NAALADL1: variants seen among roughly 807,000 people sequenced by gnomAD.
The protein encoded by NAALADL1 is aminopeptidase NAALADL1.
NAALADL1 carries 77 observed loss-of-function variants against 82.8 expected under a neutral mutation model. That is an observed-to-expected ratio of 0.93 (90% CI 0.77 to 1.12). NAALADL1 has a LOEUF of 1.12. NAALADL1 is among the 50% of genes most tolerant of loss of function. The pLI, the probability that NAALADL1 is intolerant of heterozygous loss-of-function variation, is 0.00. For missense variants in NAALADL1, 956 were observed against 964.0 expected (o/e 0.99, Z 0.11); for synonymous variants, 358 against 399.2 (o/e 0.90, Z 1.23).
rs746281476 is a variant in NAALADL1 at position 65,045,867 on chromosome 11, C to T, written c.1991G>A (p.Arg664Gln). ...GAAGGCTCTAGGGTTCAGAAAGGTCCGTTCCAAGAGCATCAACTGGTCATT... is the reference window on the plus strand; with the variant it reads ...GAAGGCTCTAGGGTTCAGAAAGGTCTGTTCCAAGAGCATCAACTGGTCATT... ...MLNDQLMLLE[R>Q]TFLNPRAFPE... Residue 664 changes from arginine to glutamine, a missense_variant, in exon 17 of 18, where the codon CGG (arginine) becomes CAG (glutamine). Physicochemically the swap from Arg to Gln is conservative, Grantham distance 43. Coordinates refer to ENST00000358658, the MANE Select transcript of NAALADL1 (RefSeq NM_005468.3). The T allele has an allele frequency of 8.7e-6, 14 of 1,613,986 alleles. 1 individual carries two copies. In the South Asian group the frequency reaches 8.8e-5, roughly 10 times the overall value.
At chr11:65,048,086 C>A in intron 10 of NAALADL1, 38 bp from the exon 11 acceptor site, 1 of 1,613,958 alleles carries the variant, frequency 6.2e-7, no homozygotes, top group Non-Finnish European at 8.5e-7. Context: ...TGGGCCCCAG[C>A]CCCTTCTTTT....
rs1946697304 is a variant in NAALADL1, at chr11:65,045,460, G to C, written c.2037-3C>G. 1 of 1,597,622 alleles carries C rather than the reference G, an allele frequency of 6.3e-7. No individual in the cohort carries two copies. The highest frequency in any genetic ancestry group is 1.3e-5 in the African/African-American group (1 of 74,694). On this transcript the variant is annotated splice_polypyrimidine_tract_variant and splice_region_variant and intron_variant, in intron 17 of 17. Coordinates refer to ENST00000358658, the MANE Select transcript of NAALADL1 (RefSeq NM_005468.3). Reference sequence around the variant, plus strand: ...TGCGAGGTGCCCAGAGCACATGGCTGACAAGAGAAATGGGACAGGATCAGG... The same window carrying C: ...TGCGAGGTGCCCAGAGCACATGGCTCACAAGAGAAATGGGACAGGATCAGG...
chr11:65,059,297 C>T (rs181529826), upstream of NAALADL1, among the ~76,000 whole-genome samples: 2 of 152,324 alleles, frequency 1.3e-5, no homozygotes, highest in East Asian at 3.9e-4. Context: ...CAGGAGTGAG[C>T]CACCGTGCCG....
chr11:65,048,121 C>T, intron 10 of NAALADL1, 31 bp downstream of exon 10: 1 of 1,614,036 alleles, frequency 6.2e-7, no homozygotes. Flanking sequence ...CCCGCCGTCT[C>T]CTCCCCTTTC....
rs765556736 is a variant in NAALADL1, at chr11:65,058,212, C to T, written c.224G>A (p.Arg75Gln). 2.9e-5 allele frequency: 46 copies of T among 1,613,482 alleles called. No homozygotes were observed. Among genetic ancestry groups the T allele is most frequent in the South Asian group, 8.8e-5 (8 of 91,052 alleles). ...CAGCAGCTGCACCAGGTCCTCATCCCGAGGGCTGGAGGCCAGGTGTGGCTC... is the reference window on the plus strand; with the variant it reads ...CAGCAGCTGCACCAGGTCCTCATCCTGAGGGCTGGAGGCCAGGTGTGGCTC... ...SREPHLASSP[R>Q]DEDLVQLLLQ... is the part of the protein sequence containing the mutation. The change falls in exon 2 of 18, where the codon CGG (arginine) becomes CAG (glutamine). Residue 75 changes from arginine to glutamine, a missense_variant. Coordinates refer to ENST00000358658, the MANE Select transcript of NAALADL1 (RefSeq NM_005468.3).
intron 17 of NAALADL1, 94 bp from the exon 18 acceptor site, chr11:65,045,551 C>G: frequency 1.5e-6 from 2 of 1,347,318 alleles, no homozygotes; most frequent in Non-Finnish European, 2.0e-6. Flanking sequence ...CTGTACGCAG[C>G]GAGGCAGAAA....
Position 65,045,196 on chromosome 11 carries a change from G to A in NAALADL1, c.*75C>T, listed in dbSNP as rs1946689280. 1 of 1,508,006 alleles carries A rather than the reference G, an allele frequency of 6.6e-7. No homozygotes were observed. The highest frequency in any genetic ancestry group is 1.3e-5 in the South Asian group (1 of 78,320). 93.4% of individuals were successfully genotyped at this position (1,508,006 alleles called of 1,614,324 possible). ...GGTAGTGCCCTCTTCTGGCACCAAG[G>A]AAGACCAGGACATCTCAGGAAAGCA... On this transcript the variant is annotated 3_prime_UTR_variant, in exon 18 of 18. Coordinates refer to ENST00000358658, the MANE Select transcript of NAALADL1 (RefSeq NM_005468.3).
rs533327963 is a variant in NAALADL1 at position 65,047,590 on chromosome 11, T to C, written c.1509-25A>G. 52 of 1,575,344 alleles carry C rather than the reference T, an allele frequency of 3.3e-5. No individual in the cohort carries two copies. In the South Asian group the frequency reaches 5.8e-4, roughly 18 times the overall value. On this transcript the variant is annotated intron_variant, in intron 12 of 17. Transcript: ENST00000358658. Reference sequence around the variant, plus strand: ...GCTGCGGGAAGGAAGGGGGCCGGGATAAAGAGCGCTGGGCCGGACCGCCTC... The same window carrying C: ...GCTGCGGGAAGGAAGGGGGCCGGGACAAAGAGCGCTGGGCCGGACCGCCTC...
At position 65,057,500 on chromosome 11, in the gene NAALADL1, C is replaced by T. The variant is rs1360914118; in HGVS notation, c.481-7G>A. 6.2e-7 allele frequency: 1 copy of T among 1,611,616 alleles called. No homozygotes were observed. ...TGGCATAGACGAGGAGGCCCTAGTCCCAAGAGGGGGTGATCCTTAGAGCTG... is the reference window on the plus strand; with the variant it reads ...TGGCATAGACGAGGAGGCCCTAGTCTCAAGAGGGGGTGATCCTTAGAGCTG... On this transcript the variant is annotated splice_region_variant and splice_polypyrimidine_tract_variant and intron_variant, in intron 3 of 17. Transcript: ENST00000358658.
chr11:65,047,761 C>A, intron 11 of NAALADL1, 23 bp from the exon 12 acceptor site: 1 of 1,576,470 alleles, frequency 6.3e-7, no homozygotes, highest in South Asian at 1.2e-5. Context: ...AGAATTTAGT[C>A]TCGGTGCGCG....
At chr11:65,055,960 A>T (rs1462419276) in intron 4 of NAALADL1, among the ~76,000 whole-genome samples, 1 of 143,282 alleles carries the variant, frequency 7.0e-6, no homozygotes, top group East Asian at 2.0e-4. Flanking sequence ...ATCTCGGCTC[A>T]CTGCAACCTC....
chr11:65,045,914 G>T lies in NAALADL1; in HGVS notation c.1944C>A (p.Asp648Glu). ...RISTLQKGSP[D>E]PLQVRMLNDQ... The stretch of plus-strand genomic sequence containing the variant: ...CATTGAGCATCCGGACCTGCAGGGG[G>T]CTGGTGGGGAGGCAGGAACTGCCAG... The change falls in exon 17 of 18, where the codon GAC (aspartate) becomes GAA (glutamate). Residue 648 changes from aspartate (D) to glutamate (E), a missense_variant and splice_region_variant. Physicochemically the swap from Asp to Glu is conservative, Grantham distance 45 (BLOSUM62 2). Coordinates refer to ENST00000358658, the MANE Select transcript of NAALADL1 (RefSeq NM_005468.3). 6.2e-7 allele frequency: 1 copy of T among 1,613,996 alleles called. No homozygotes were observed. The highest frequency in any genetic ancestry group is 8.5e-7 in the Non-Finnish European group (1 of 1,179,958).
rs750205483 is a variant in NAALADL1 at position 65,054,615 on chromosome 11, C to G, written c.727G>C (p.Gly243Arg). 4 of 1,613,916 alleles carry G rather than the reference C, an allele frequency of 2.5e-6. No homozygotes were observed. Among genetic ancestry groups the G allele is most frequent in the Non-Finnish European group, 2.5e-6 (3 of 1,179,904 alleles). ...FPNSWYLPPS[G>R]VERGSYYEYF... Reference sequence around the variant, plus strand: ...TCGTAGTAGGAGCCTCGCTCCACTCCTGAGGGGGGCAGGTACCAGGAGTTG... The same window carrying G: ...TCGTAGTAGGAGCCTCGCTCCACTCGTGAGGGGGGCAGGTACCAGGAGTTG... The change falls in exon 5 of 18, where the codon GGA becomes CGA. Residue 243 changes from glycine to arginine, a missense_variant. Transcript: ENST00000358658. The surrounding 1 kb of genome is among the most constrained non-coding windows in gnomAD (Gnocchi z 4.3).
chr11:65,046,402 T>C, intron 14 of NAALADL1, 40 bp from the exon 15 acceptor site: 1 of 1,614,180 alleles, frequency 6.2e-7, no homozygotes, highest in Non-Finnish European at 8.5e-7. Context: ...GTCTTCAGCC[T>C]CTCCTGTCCT....
At chr11:65,049,909 C>G (rs990398196) in intron 8 of NAALADL1, among the ~76,000 whole-genome samples, 2 of 151,616 alleles carry the variant, frequency 1.3e-5, no homozygotes, top group African/African-American at 4.8e-5. Context: ...TGGAGTCTCA[C>G]TCTCATCAAC....
rs1246639700 is a variant in NAALADL1, at chr11:65,057,436, GA to G, written c.537del (p.Gln180ArgfsTer11). The G allele has an allele frequency of 1.2e-6, 2 of 1,614,086 alleles. No individual in the cohort carries two copies. The highest frequency in any genetic ancestry group is 2.7e-5 in the African/African-American group (2 of 74,936). On this transcript the variant is annotated frameshift_variant, in exon 4 of 18. Coordinates refer to ENST00000358658, the MANE Select transcript of NAALADL1 (RefSeq NM_005468.3). LOFTEE classifies it high-confidence loss of function. ...GAEEDFKELQTQGIKLEGTIA... is the reference protein window; with the variant it reads ...GAEEDFKELQXQGIKLEGTIA... Reference sequence around the variant, plus strand: ...ATGGTGCCTTCAAGTTTGATGCCCTGAGTCTGTAGCTCCTTAAAGTCTTCTT... The same window carrying G: ...ATGGTGCCTTCAAGTTTGATGCCCTGGTCTGTAGCTCCTTAAAGTCTTCTT...
chr11:65,058,489 C>CA lies in NAALADL1; in HGVS notation c.32dup (p.Ala13GlyfsTer65). 6.2e-7 allele frequency: 1 copy of CA among 1,608,706 alleles called. No homozygotes were observed. Among genetic ancestry groups the CA allele is most frequent in the South Asian group, 1.1e-5 (1 of 90,164 alleles). ...CCAGCCCCAAGAGGGCAGCAGCCCC[C>CA]AGCCCCAGCCCCAACACCTTCGTCC... On this transcript the variant is annotated frameshift_variant, in exon 1 of 18. Coordinates refer to ENST00000358658, the MANE Select transcript of NAALADL1 (RefSeq NM_005468.3). LOFTEE classifies it high-confidence loss of function.
rs565869135 is a variant in NAALADL1 at position 65,046,335 on chromosome 11, C to G, written c.1709G>C (p.Arg570Pro). 170 of 1,614,210 alleles carry G rather than the reference C, an allele frequency of 1.1e-4. 2 individuals carry two copies. The South Asian group carries it at 1.8e-3, about 17-fold the overall frequency. Residue 570 changes from arginine to proline, a missense_variant, in exon 15 of 18, where the codon CGG becomes CCG. Physicochemically the swap from Arg to Pro is moderately radical, Grantham distance 103. Coordinates refer to ENST00000358658, the MANE Select transcript of NAALADL1 (RefSeq NM_005468.3). ...CCGGAGAATCACACTCCCCGCTGTCCGGGCCACAGCCTGATGGCTGCTGAA... is the reference window on the plus strand; with the variant it reads ...CCGGAGAATCACACTCCCCGCTGTCGGGGCCACAGCCTGATGGCTGCTGAA... ...PGFSSHQAVA[R>P]TAGSVILRLS...
chr11:65,057,960 C>A lies in NAALADL1; in HGVS notation c.395G>T (p.Arg132Leu), dbSNP rs776344083. The change falls in exon 3 of 18, where the codon CGG (arginine) becomes CTG (leucine). Residue 132 changes from arginine (R) to leucine (L), a missense_variant. Transcript: ENST00000358658. Reference protein sequence around the residue: ...PTGGIIHSCHRTEENVTGEQG... With the variant: ...PTGGIIHSCHLTEENVTGEQG... ...CTCCCCGGTCACGTTCTCCTCAGTCCGGTGGCAGGAGTGGATGATGCCCCC... is the reference window on the plus strand; with the variant it reads ...CTCCCCGGTCACGTTCTCCTCAGTCAGGTGGCAGGAGTGGATGATGCCCCC... The A allele has an allele frequency of 1.3e-5, 21 of 1,614,124 alleles. No individual in the cohort carries two copies. In the Middle Eastern group the frequency reaches 5.0e-4, roughly 38 times the overall value.
Sources: allele counts gnomAD v4.1 joint callset (sites outside exome capture counted in the v4.1 genomes callset), GRCh38; gene constraint gnomAD v4.1.1; non-coding constraint Gnocchi (gnomAD v3.1); transcripts MANE v1.5; gene names NCBI Gene and HGNC (gene_info 2026-07-23, HGNC 2026-07-21).